HMCN2: variants seen among roughly 807,000 people sequenced by gnomAD.
The protein encoded by HMCN2 is hemicentin 2.
HMCN2 carries 325 observed loss-of-function variants against 377.5 expected under a neutral mutation model. The observed-to-expected ratio is 0.86, with a 90% CI of 0.79 to 0.94. HMCN2 has a LOEUF of 0.94. Among genes scored for constraint, HMCN2 ranks in the 40% least tolerant of loss-of-function variants. The probability of loss-of-function intolerance (pLI) is 0.00; values close to 1 mark genes in which losing one functional copy is unlikely to be tolerated. For synonymous variants in HMCN2, 2,007 were observed against 2,046.8 expected (o/e 0.98, Z 0.53); for missense variants, 4,543 against 4,725.3 (o/e 0.96, Z 1.13).
At chr9:130,348,352 G>T (rs1839503057) in intron 26 of HMCN2, 193 bp from the exon 27 acceptor site, 2 of 746,230 alleles carry the variant, frequency 2.7e-6, no homozygotes, top group South Asian at 1.2e-4. Flanking sequence ...ACGACTGGGG[G>T]TGTGTGGGTC....
Position 130,351,357 on chromosome 9 carries a change from T to C in HMCN2, c.4431-66T>C. 3 of 1,199,462 alleles carry C rather than the reference T, an allele frequency of 2.5e-6. No individual in the cohort carries two copies. The highest frequency in any genetic ancestry group is 3.3e-6 in the Non-Finnish European group (3 of 915,176). The allele number at this position is 1,199,462 out of a possible 1,614,324, so 74.3% of individuals were successfully genotyped here. A position where few individuals can be genotyped will look rare whatever the true frequency, so the allele number is the denominator to read the frequency against. On this transcript the variant is annotated intron_variant, in intron 29 of 97. Transcript: ENST00000683500. The surrounding 1 kb of genome is among the most constrained non-coding windows in gnomAD (Gnocchi z 5.4). ...CGCTTTTTACAAGCCACACACTCCC[T>C]GTGTGCAGCGTGTCCCATCCAGCCC...
chr9:130,339,521 C>T (rs1047294715), intron 23 of HMCN2, among the ~76,000 whole-genome samples: 12,231 of 152,244 alleles, frequency 0.08, 629 homozygotes, highest in African/African-American at 0.13. Flanking sequence ...AGGGCCTCAA[C>T]GTTGACAGAG....
Position 130,378,834 on chromosome 9 carries a change from C to A in HMCN2, c.8213-415C>A, listed in dbSNP as rs1447602265. ...TGGGGATGACACGGCCCCCTCCAGGCCTTAATTTGATCCTTTGTAAAATGC... is the reference window on the plus strand; with the variant it reads ...TGGGGATGACACGGCCCCCTCCAGGACTTAATTTGATCCTTTGTAAAATGC... On this transcript the variant is annotated intron_variant, in intron 53 of 97. Transcript: ENST00000683500. 7.2e-5 allele frequency among the ~76,000 whole-genome samples: 11 copies of A among 152,170 alleles called. 2 individuals carry two copies. The highest frequency in any genetic ancestry group is 6.8e-3 in the Middle Eastern group (2 of 294).
At position 130,398,561 on chromosome 9, in the gene HMCN2, C is replaced by A. The variant is rs1205556147; in HGVS notation, c.11337C>A (p.Ala3779=). The change falls in exon 75 of 98, where the codon GCC becomes GCA. Residue 3779 remains alanine (A), a synonymous_variant. Transcript: ENST00000683500. ...GRDLRVLEPP[A]IAPSPSNLTL... ...CTGTGCTCTCCCCAGAGCCTCCAGC[C>A]ATCGCCCCCAGCCCCTCCAACCTGA... 5 of 1,246,870 alleles carry A rather than the reference C, an allele frequency of 4.0e-6. No homozygotes were observed. Among genetic ancestry groups the A allele is most frequent in the Non-Finnish European group, 5.2e-6 (5 of 961,920 alleles). The allele number at this position is 1,246,870 out of a possible 1,614,324, so 77.2% of individuals were successfully genotyped here.
chr9:130,322,311 ATC>A (rs1480395748), intron 19 of HMCN2, among the ~76,000 whole-genome samples: 7 of 133,426 alleles, frequency 5.2e-5, no homozygotes, highest in African/African-American at 2.0e-4. Flanking sequence ...TCTATCATCT[ATC>A]TATCTAATCT....
At chr9:130,406,195 A>G (rs1274060890) in intron 82 of HMCN2, 27 bp downstream of exon 82, 5 of 1,288,184 alleles carry the variant, frequency 3.9e-6, no homozygotes, top group Non-Finnish European at 5.1e-6. Flanking sequence ...CATGGGTGGG[A>G]CAGAGAGCCA....
In HMCN2 at chr9:130,430,429, T is replaced by C; in HGVS notation, c.14472T>C (p.Asn4824=). 2 of 1,550,408 alleles carry C rather than the reference T, an allele frequency of 1.3e-6. No individual in the cohort carries two copies. The highest frequency in any genetic ancestry group is 1.7e-6 in the Non-Finnish European group (2 of 1,146,930). Residue 4824 remains asparagine (N), a synonymous_variant, in exon 95 of 98, where the codon AAT becomes AAC. Transcript: ENST00000683500. The stretch of plus-strand genomic sequence containing the variant: ...CCTCACTGGAGCGGAATGGACAAAA[T>C]GTGACCACCGTCAGCCACCGAGGCC... ...ACTSLERNGQ[N]VTTVSHRGPL...
At chr9:130,292,018 C>CT (rs35195661) in intron 4 of HMCN2, among the ~76,000 whole-genome samples, 83,915 of 142,618 alleles carry the variant, frequency 0.59, 24,938 homozygotes, top group East Asian at 0.85. Flanking sequence ...GTGGCATTCA[C>CT]TTTTTTTTTT....
intron 22 of HMCN2, 78 bp downstream of exon 22, chr9:130,327,553 C>CGGGT (rs1371263695): frequency 5.6e-4 from 85 of 152,380 alleles, no homozygotes; most frequent in African/African-American, 2.0e-3. Flanking sequence ...AGTGACCCAG[C>CGGGT]GGGTGTCTTG....
Position 130,398,627 on chromosome 9 carries a change from C to T in HMCN2, c.11403C>T (p.Ala3801=). 2 of 1,288,948 alleles carry T rather than the reference C, an allele frequency of 1.6e-6. No individual in the cohort carries two copies. The highest frequency in any genetic ancestry group is 2.5e-5 in the South Asian group (2 of 80,954). 79.8% of individuals were successfully genotyped at this position (1,288,948 alleles called of 1,614,324 possible). A position where few individuals can be genotyped will look rare whatever the true frequency, so the allele number is the denominator to read the frequency against. ...CCCCAGCCTTGCTGCCCTGCGAGGC[C>T]AGCGGCTCCCCTAAGCCCCTGGTGG... ...AHTPALLPCE[A]SGSPKPLVVW... is the part of the protein sequence containing the mutation. The change falls in exon 75 of 98, where the codon GCC becomes GCT. Residue 3801 remains alanine, a synonymous_variant. Coordinates refer to ENST00000683500, the MANE Select transcript of HMCN2 (RefSeq NM_001291815.2).
At chr9:130,273,157 A>T (rs1834494903) in intron 1 of HMCN2, among the ~76,000 whole-genome samples, 1 of 150,226 alleles carries the variant, frequency 6.7e-6, no homozygotes, top group Non-Finnish European at 1.5e-5. Context: ...TTTTTTTTTT[A>T]AAGATTATTT....
At chr9:130,348,736 T>C in intron 27 of HMCN2, 61 bp downstream of exon 27, 3 of 1,290,288 alleles carry the variant, frequency 2.3e-6, no homozygotes, top group South Asian at 1.3e-5. Context: ...ACAGGTCTTC[T>C]GGATGGGCAT....
At chr9:130,359,506 A>AGAG (rs1588306004) in intron 37 of HMCN2, 92 bp downstream of exon 37, 1 of 507,396 alleles carries the variant, frequency 2.0e-6, no homozygotes, top group East Asian at 8.1e-5. Context: ...CTGATTGGAC[A>AGAG]TAATGGGGAG....
chr9:130,358,860 G>A (rs1240625237), intron 36 of HMCN2, among the ~76,000 whole-genome samples: 1 of 152,138 alleles, frequency 6.6e-6, no homozygotes, highest in South Asian at 2.1e-4. Context: ...ATTTTTAGTA[G>A]CGACGGGGTT....
rs988272192 is a variant in HMCN2, at chr9:130,391,300, C to T, written c.9764C>T (p.Pro3255Leu). 9 of 987,546 alleles carry T rather than the reference C, an allele frequency of 9.1e-6. No individual in the cohort carries two copies. The South Asian group carries it at 1.9e-4, about 21-fold the overall frequency. 61.2% of individuals were successfully genotyped at this position (987,546 alleles called of 1,614,324 possible). Residue 3255 changes from proline to leucine, a missense_variant, in exon 64 of 98, where the codon CCG (proline) becomes CTG (leucine). By Grantham distance (98) the Pro-to-Leu change is moderately conservative (BLOSUM62 -3). Transcript: ENST00000683500. ...GACTGTGAGGCCGATGGGCAGCCGC[C>T]GCCGGACGTGGCCTGGCTGAAGGAC... Reference protein sequence around the residue: ...RLDCEADGQPPPDVAWLKDGS... With the variant: ...RLDCEADGQPLPDVAWLKDGS...
intron 66 of HMCN2, among the ~76,000 whole-genome samples, chr9:130,392,873 G>A (rs1284217679): frequency 2.0e-5 from 3 of 152,030 alleles, no homozygotes; most frequent in Admixed American, 6.5e-5. Flanking sequence ...GCGGGCGCCT[G>A]TAGTCCCAGC....
Position 130,397,604 on chromosome 9 carries a change from GC to G in HMCN2, c.11276del (p.Ala3759AspfsTer29), listed in dbSNP as rs1481734389. On this transcript the variant is annotated frameshift_variant, in exon 74 of 98. Transcript: ENST00000683500. LOFTEE classifies it high-confidence loss of function. ...AQDAGHYLCLASNSAGSDRQG... is the reference protein window; with the variant it reads ...AQDAGHYLCLXSNSAGSDRQG... ...GGACGCCGGCCACTACCTCTGCCTG[GC>G]ATCCAACTCTGCTGGCTCCGATCGT... The G allele has an allele frequency of 7.8e-7, 1 of 1,289,832 alleles. No individual in the cohort carries two copies. The highest frequency in any genetic ancestry group is 1.2e-5 in the South Asian group (1 of 81,036). 79.9% of individuals were successfully genotyped at this position (1,289,832 alleles called of 1,614,324 possible). A position where few individuals can be genotyped will look rare whatever the true frequency, so the allele number is the denominator to read the frequency against.
chr9:130,384,658 G>A (rs1326380464), intron 58 of HMCN2, 27 bp from the exon 59 acceptor site: 12 of 1,301,676 alleles, frequency 9.2e-6, no homozygotes, highest in Non-Finnish European at 1.2e-5. Flanking sequence ...TGGAATGCTG[G>A]TGTGAGGGGC....
chr9:130,287,151 C>T (rs1835457924), intron 4 of HMCN2, among the ~76,000 whole-genome samples: 1 of 152,202 alleles, frequency 6.6e-6, no homozygotes, highest in Admixed American at 6.5e-5. Flanking sequence ...GGCTCCCACA[C>T]ACCACTGGAT....
Sources: allele counts gnomAD v4.1 joint callset (sites outside exome capture counted in the v4.1 genomes callset), GRCh38; gene constraint gnomAD v4.1.1; non-coding constraint Gnocchi (gnomAD v3.1); transcripts MANE v1.5; gene names NCBI Gene and HGNC (gene_info 2026-07-23, HGNC 2026-07-21).